Variants in TMEM221 observed in about 807,000 individuals in gnomAD.
The protein encoded by TMEM221 is Putative transmembrane protein ENSP00000342162.
In TMEM221, 11 loss-of-function variants were observed where a neutral mutation model predicts 10.2. The ratio of observed to expected loss-of-function variants is 1.08; its 90% confidence interval spans 0.68 to 1.79. The LOEUF (loss-of-function observed/expected upper bound fraction) is 1.79. Ranked by LOEUF, TMEM221 falls within the 40% of genes most tolerant of loss-of-function variation. TMEM221 has a pLI of 0.00. For synonymous variants in TMEM221, 172 were observed against 199.8 expected (o/e 0.86, Z 1.18); for missense variants, 382 against 417.7 (o/e 0.91, Z 0.75).
Position 17,436,394 on chromosome 19 carries a change from G to A in TMEM221, c.*64C>T. The A allele has an allele frequency of 7.3e-7, 1 of 1,379,102 alleles. No individual in the cohort carries two copies. The highest frequency in any genetic ancestry group is 9.5e-7 in the Non-Finnish European group (1 of 1,056,110). 85.4% of individuals were successfully genotyped at this position (1,379,102 alleles called of 1,614,324 possible). ...ATCAAGTCCTACTGCTACTGCAGCTGAACCCGAACCTATCTCTATGGTATC... is the reference window on the plus strand; with the variant it reads ...ATCAAGTCCTACTGCTACTGCAGCTAAACCCGAACCTATCTCTATGGTATC... On this transcript the variant is annotated 3_prime_UTR_variant, in exon 3 of 3. Transcript: ENST00000341130.
chr19:17,445,740 A>ATCCG (rs2074950654), intron 1 of TMEM221, among the ~76,000 whole-genome samples: 2 of 151,666 alleles, frequency 1.3e-5, no homozygotes, highest in African/African-American at 4.8e-5. Context: ...CCATCCATCC[A>ATCCG]TCCATACTTC....
chr19:17,436,587 G>T lies in TMEM221; in HGVS notation c.747C>A (p.Ser249Arg), dbSNP rs1262477056. The T allele has an allele frequency of 2.0e-6, 3 of 1,536,048 alleles. No individual in the cohort carries two copies. The highest frequency in any genetic ancestry group is 1.7e-6 in the Non-Finnish European group (2 of 1,146,878). Reference protein sequence around the residue: ...PAALEGGWESSLPASRMHRTL... With the variant: ...PAALEGGWESRLPASRMHRTL... ...TCCGGTGCATTCTGGATGCAGGCAG[G>T]CTGCTCTCCCAGCCTCCCTCCAGGG... Residue 249 changes from serine to arginine, a missense_variant, in exon 3 of 3, where the codon AGC becomes AGA. Physicochemically the swap from Ser to Arg is moderately radical, Grantham distance 110 (BLOSUM62 -1). Transcript: ENST00000341130.
Position 17,436,168 on chromosome 19 carries a change from A to C in TMEM221, c.*290T>G. On this transcript the variant is annotated 3_prime_UTR_variant, in exon 3 of 3. Coordinates refer to ENST00000341130, the MANE Select transcript of TMEM221 (RefSeq NM_001190844.2). ...GCCTCCCCTGCAGCAAGGTATGGCC[A>C]TTTCGCTCTGTTCTGGCCAGTGGGA... 216 of 253,992 alleles carry C rather than the reference A, an allele frequency of 8.5e-4. No homozygotes were observed. Among genetic ancestry groups the C allele is most frequent in the Middle Eastern group, 2.3e-3 (2 of 862 alleles). 15.7% of individuals were successfully genotyped at this position (253,992 alleles called of 1,614,324 possible). A position where few individuals can be genotyped will look rare whatever the true frequency, so the allele number is the denominator to read the frequency against.
rs1323808870 is a variant in TMEM221 at position 17,435,799 on chromosome 19, G to C, written c.*659C>G. 1 of 152,500 alleles carries C rather than the reference G, an allele frequency of 6.6e-6. No individual in the cohort carries two copies. Among genetic ancestry groups the C allele is most frequent in the African/African-American group, 2.4e-5 (1 of 41,446 alleles). The allele number at this position is 152,500 out of a possible 1,614,324, so 9.4% of individuals were successfully genotyped here. A position where few individuals can be genotyped will look rare whatever the true frequency, so the allele number is the denominator to read the frequency against. On this transcript the variant is annotated 3_prime_UTR_variant, in exon 3 of 3. Coordinates refer to ENST00000341130, the MANE Select transcript of TMEM221 (RefSeq NM_001190844.2). ...CTAAGCCCTCAGCCATGGGTCCACAGCCAGGAACCTGGGTCCAGCTCTCCA... is the reference window on the plus strand; with the variant it reads ...CTAAGCCCTCAGCCATGGGTCCACACCCAGGAACCTGGGTCCAGCTCTCCA...
intron 2 of TMEM221, among the ~76,000 whole-genome samples, chr19:17,442,434 TTTTC>T (rs1320234692): frequency 4.1e-5 from 5 of 121,080 alleles, no homozygotes; most frequent in Non-Finnish European, 9.2e-5. Flanking sequence ...AATTTCTTTC[TTTTC>T]TTTCTTTTTT....
At position 17,436,813 on chromosome 19, in the gene TMEM221, CGGA is replaced by C. The variant is rs1568396458; in HGVS notation, c.518_520del (p.Leu173del). 2 of 1,506,098 alleles carry C rather than the reference CGGA, an allele frequency of 1.3e-6. No homozygotes were observed. The highest frequency in any genetic ancestry group is 4.2e-5 in the Admixed American group (2 of 47,964). 93.3% of individuals were successfully genotyped at this position (1,506,098 alleles called of 1,614,324 possible). ...CCCACGGCGGGCAGCCCGGGCAGCC[CGGA>C]GGAGAGTGTGGGTCAGCACAGCCAC... is the stretch of plus-strand genomic sequence containing the variant. On this transcript the variant is annotated inframe_deletion, in exon 3 of 3. Coordinates refer to ENST00000341130, the MANE Select transcript of TMEM221 (RefSeq NM_001190844.2).
intron 2 of TMEM221, among the ~76,000 whole-genome samples, chr19:17,438,522 A>C (rs2074918760): frequency 6.6e-6 from 1 of 151,306 alleles, no homozygotes; most frequent in South Asian, 2.1e-4. Context: ...ACTGTGTCCT[A>C]CCGGGTTTTC....
At chr19:17,440,597 C>A (rs1158735266) in intron 2 of TMEM221, among the ~76,000 whole-genome samples, 1 of 152,124 alleles carries the variant, frequency 6.6e-6, no homozygotes. Context: ...TGGTGGTGTA[C>A]ACCTGTAGTC....
chr19:17,447,166 G>A (rs758159519), intron 1 of TMEM221, among the ~76,000 whole-genome samples: 1 of 150,644 alleles, frequency 6.6e-6, no homozygotes, highest in Non-Finnish European at 1.5e-5. Context: ...AGGCTGCAGT[G>A]AACCGAGATA....
chr19:17,444,697 TATAG>T (rs2074945401), intron 2 of TMEM221: 1 of 137,230 alleles, frequency 7.3e-6, no homozygotes, highest in Admixed American at 7.5e-5. Flanking sequence ...CAAGTCTATA[TATAG>T]ATATATAATA....
In TMEM221 at chr19:17,436,776, C is replaced by A; in HGVS notation, c.558G>T (p.Leu186Phe). ...GGTCGTCTTCAAAGGATGGCGGGGA[C>A]AACTCATGGAGCCCACGGCGGGCAG... Reference protein sequence around the residue: ...ARAARRGLHELSPPSFEDDLA... With the variant: ...ARAARRGLHEFSPPSFEDDLA... Residue 186 changes from leucine (L) to phenylalanine (F), a missense_variant, in exon 3 of 3, where the codon TTG (leucine) becomes TTT (phenylalanine). Transcript: ENST00000341130. 1 of 1,520,330 alleles carries A rather than the reference C, an allele frequency of 6.6e-7. No homozygotes were observed. Among genetic ancestry groups the A allele is most frequent in the Admixed American group, 2.0e-5 (1 of 49,790 alleles). The allele number at this position is 1,520,330 out of a possible 1,614,324, so 94.2% of individuals were successfully genotyped here.
Position 17,445,266 on chromosome 19 carries a change from G to A in TMEM221, c.339C>T (p.Tyr113=), listed in dbSNP as rs775021943. 2.7e-5 allele frequency: 41 copies of A among 1,535,608 alleles called. No homozygotes were observed. The highest frequency in any genetic ancestry group is 1.2e-4 in the African/African-American group (9 of 73,010). ...PGPRRSDWFL[Y]DCRLLRHVAL... ...CCACATGTCTGAGGAGGCGGCAGTC[G>A]TAGAGAAACCAGTCAGACCTGGAAT... The change falls in exon 2 of 3, where the codon TAC becomes TAT. Residue 113 remains tyrosine (Y), a synonymous_variant. Coordinates refer to ENST00000341130, the MANE Select transcript of TMEM221 (RefSeq NM_001190844.2).
At chr19:17,437,462 T>C (rs2074914072) in intron 2 of TMEM221, among the ~76,000 whole-genome samples, 1 of 152,248 alleles carries the variant, frequency 6.6e-6, no homozygotes, top group African/African-American at 2.4e-5. Flanking sequence ...GCTCAGTGGC[T>C]CACGCCTATA....
chr19:17,443,719 G>A (rs1387890556), intron 2 of TMEM221, among the ~76,000 whole-genome samples: 1 of 152,012 alleles, frequency 6.6e-6, no homozygotes, highest in African/African-American at 2.4e-5. Flanking sequence ...TCATTCAGTA[G>A]GATATTTTTT....
At chr19:17,446,023 T>G (rs1473189074) in intron 1 of TMEM221, among the ~76,000 whole-genome samples, 3 of 152,106 alleles carry the variant, frequency 2.0e-5, no homozygotes, top group Non-Finnish European at 4.4e-5. Flanking sequence ...TCATATTCAT[T>G]GATTATTTGA....
In TMEM221 at chr19:17,448,110, G is replaced by A; in HGVS notation, c.320+33C>T. On this transcript the variant is annotated intron_variant, in intron 1 of 2. Transcript: ENST00000341130. This position sits in a 1 kb window ranked among gnomAD's most constrained non-coding sequence, Gnocchi z 4.7. Reference sequence around the variant, plus strand: ...AACCAGGCTCACCCAGCCCCCAGCCGGGCCTCCGAGGCGGTGAGGCCAGTC... The same window carrying A: ...AACCAGGCTCACCCAGCCCCCAGCCAGGCCTCCGAGGCGGTGAGGCCAGTC... 1 of 1,319,988 alleles carries A rather than the reference G, an allele frequency of 7.6e-7. No individual in the cohort carries two copies. The highest frequency in any genetic ancestry group is 9.7e-7 in the Non-Finnish European group (1 of 1,034,772). The allele number at this position is 1,319,988 out of a possible 1,614,324, so 81.8% of individuals were successfully genotyped here.
rs1222552641 is a variant in TMEM221 at position 17,436,305 on chromosome 19, A to C, written c.*153T>G. Reference sequence around the variant, plus strand: ...GGAGGTGAAGGCTGGAGCTCTGGCAATTATTTTGTGCCACGAGGCAACCTT... The same window carrying C: ...GGAGGTGAAGGCTGGAGCTCTGGCACTTATTTTGTGCCACGAGGCAACCTT... On this transcript the variant is annotated 3_prime_UTR_variant, in exon 3 of 3. Transcript: ENST00000341130. 8.3e-6 allele frequency: 6 copies of C among 720,012 alleles called. No homozygotes were observed. The highest frequency in any genetic ancestry group is 2.9e-5 in the East Asian group (1 of 34,612). The allele number at this position is 720,012 out of a possible 1,614,324, so 44.6% of individuals were successfully genotyped here.
chr19:17,446,072 T>A (rs1394123248), intron 1 of TMEM221, among the ~76,000 whole-genome samples: 1 of 151,858 alleles, frequency 6.6e-6, no homozygotes, highest in Non-Finnish European at 1.5e-5. Flanking sequence ...TTTAACCATG[T>A]GCTATTCATC....
chr19:17,439,390 A>G (rs1459669819), intron 2 of TMEM221, among the ~76,000 whole-genome samples: 1 of 151,904 alleles, frequency 6.6e-6, no homozygotes, highest in African/African-American at 2.4e-5. Flanking sequence ...TGAAATGTCC[A>G]GAACAGGCAA....
Sources: gnomAD v4.1 joint callset for allele counts (sites outside exome capture counted in the v4.1 genomes callset) on GRCh38, gnomAD v4.1.1 for gene constraint, Gnocchi (gnomAD v3.1) non-coding constraint, MANE v1.5 for transcripts, NCBI Gene and HGNC (gene_info 2026-07-23, HGNC 2026-07-21) for gene names.